DYM: variants seen among roughly 807,000 people sequenced by gnomAD.
The protein encoded by DYM is dyggve-Melchior-Clausen syndrome protein.
A neutral mutation model predicts 93.1 loss-of-function variants in DYM; 78 were observed. The ratio of observed to expected loss-of-function variants is 0.84; its 90% CI spans 0.70 to 1.01. The LOEUF is 1.01. Ranked by LOEUF, DYM falls within the 50% of genes least tolerant of loss-of-function variation. The pLI, the probability that DYM is intolerant of heterozygous loss-of-function variation, is 0.00. For synonymous variants in DYM, 321 were observed against 319.7 expected (o/e 1.00, Z -0.04); for missense variants, 789 against 845.0 (o/e 0.93, Z 0.82).
At chr18:49,078,097 CA>C (rs1178341798) in intron 17 of DYM, among the ~76,000 whole-genome samples, 6 of 151,730 alleles carry the variant, frequency 4.0e-5, no homozygotes, top group African/African-American at 1.5e-4. Context: ...TTGAGCTATT[CA>C]TTTTTTTATT....
intron 17 of DYM, among the ~76,000 whole-genome samples, chr18:49,087,637 A>G (rs1212229229): frequency 1.3e-5 from 2 of 152,226 alleles, no homozygotes; most frequent in East Asian, 3.8e-4. Context: ...TATACCCAGT[A>G]ATGGGATTGC....
chr18:49,276,024 AT>A (rs1258793286), intron 10 of DYM, among the ~76,000 whole-genome samples: 1 of 152,146 alleles, frequency 6.6e-6, no homozygotes, highest in Non-Finnish European at 1.5e-5. Flanking sequence ...AATACAGATA[AT>A]TTTACACCTT....
At chr18:49,408,396 C>G (rs1292386972) in intron 2 of DYM, among the ~76,000 whole-genome samples, 1 of 152,182 alleles carries the variant, frequency 6.6e-6, no homozygotes, top group South Asian at 2.1e-4. Flanking sequence ...TGTCTCTCCA[C>G]ATATATTTCT....
intron 2 of DYM, among the ~76,000 whole-genome samples, chr18:49,412,720 T>C (rs988153123): frequency 6.6e-6 from 1 of 152,162 alleles, no homozygotes; most frequent in African/African-American, 2.4e-5. Flanking sequence ...GAACATAAAG[T>C]GTGCCAAAGA....
chr18:49,304,938 T>A (rs894403369), intron 8 of DYM, among the ~76,000 whole-genome samples: 2 of 152,128 alleles, frequency 1.3e-5, no homozygotes, highest in Non-Finnish European at 2.9e-5. Flanking sequence ...TCATCCTGCC[T>A]AGACATTCTC....
At chr18:49,253,545 T>A (rs748309125) in intron 13 of DYM, among the ~76,000 whole-genome samples, 1 of 152,134 alleles carries the variant, frequency 6.6e-6, no homozygotes, top group Non-Finnish European at 1.5e-5. Context: ...CTGGGGATCT[T>A]GTTAGAAAGA....
chr18:49,313,011 A>G (rs539506785), intron 8 of DYM, among the ~76,000 whole-genome samples: 25 of 152,342 alleles, frequency 1.6e-4, no homozygotes, highest in Admixed American at 6.5e-4. Context: ...TGAAGCTATC[A>G]GAAGCATTTA....
chr18:49,203,871 TAAAAAAAAAAAAAAAAAA>T (rs71165370), intron 14 of DYM, among the ~76,000 whole-genome samples: 1 of 63,548 alleles, frequency 1.6e-5, no homozygotes, highest in South Asian at 7.2e-4. Context: ...TTTAAAAAAG[TAAAAAAAAAAAAAAAAAA>T]AAAAAAAAAC....
In DYM at chr18:49,440,093, T is replaced by G. The variant is rs534456496; in HGVS notation, c.-53-9646A>C. Among the ~76,000 whole-genome samples, 390 of 132,628 alleles carry G rather than the reference T, an allele frequency of 2.9e-3. 21 individuals are homozygous for G. Among genetic ancestry groups the G allele is most frequent in the African/African-American group, 9.5e-3 (367 of 38,732 alleles). The allele number at this position is 132,628 out of a possible 152,430, so 87.0% of individuals were successfully genotyped here. A position where few individuals can be genotyped will look rare whatever the true frequency, so the allele number is the denominator to read the frequency against. On this transcript the variant is annotated intron_variant, in intron 1 of 17. Transcript: ENST00000675505. ...TCAATATTTTATATTTGTGAAATAT[T>G]TGATAAATACATAAAGTCAATCTCC... is the stretch of plus-strand genomic sequence containing the variant.
At chr18:49,289,776 C>CACATAT (rs1555678765) in intron 8 of DYM, among the ~76,000 whole-genome samples, 4 of 85,526 alleles carry the variant, frequency 4.7e-5, no homozygotes, top group East Asian at 4.5e-4. Flanking sequence ...TATATATACA[C>CACATAT]ATATATATAT....
chr18:49,228,411 T>C (rs898607539), intron 13 of DYM, among the ~76,000 whole-genome samples: 5 of 152,188 alleles, frequency 3.3e-5, no homozygotes, highest in Non-Finnish European at 5.9e-5. Context: ...AGGTCTTAAC[T>C]GCTCATTTCT....
intron 2 of DYM, among the ~76,000 whole-genome samples, chr18:49,401,619 TTC>T (rs149946731): frequency 0.096 from 14,398 of 149,664 alleles, 870 homozygotes; most frequent in East Asian, 0.31. Flanking sequence ...CAATCAACCT[TTC>T]TCTCTCTCTC....
chr18:49,118,794 G>T lies in DYM; in HGVS notation c.1861C>A (p.Gln621Lys). The T allele has an allele frequency of 1.2e-6, 2 of 1,614,122 alleles. No individual in the cohort carries two copies. Among genetic ancestry groups the T allele is most frequent in the Non-Finnish European group, 1.7e-6 (2 of 1,179,984 alleles). The change falls in exon 16 of 18, where the codon CAA becomes AAA. Residue 621 changes from glutamine to lysine, a missense_variant. By Grantham distance (53) the Gln-to-Lys change is moderately conservative. Around this residue, in one of 3 missense-constraint regions of DYM, gnomAD observed 225 missense variants for 303.0 expected, o/e 0.74. Coordinates refer to ENST00000675505, the MANE Select transcript of DYM (RefSeq NM_001353214.3). ...TGAAATGAAGGATGAGTTCGAAATTGTTCAAAGAGATCGCGTTTGTAAAGC... is the reference window on the plus strand; with the variant it reads ...TGAAATGAAGGATGAGTTCGAAATTTTTCAAAGAGATCGCGTTTGTAAAGC... ...ALLYKRDLFE[Q>K]FRTHPSFQDI... is the part of the protein sequence containing the mutation.
intron 15 of DYM, among the ~76,000 whole-genome samples, chr18:49,158,030 A>T (rs917548481): frequency 2.0e-5 from 3 of 152,186 alleles, no homozygotes; most frequent in African/African-American, 2.4e-5. Flanking sequence ...ATGACACAAG[A>T]CCATTTTTCA....
At chr18:49,046,061 G>A (rs2071457344) in intron 17 of DYM, among the ~76,000 whole-genome samples, 1 of 151,632 alleles carries the variant, frequency 6.6e-6, no homozygotes, top group African/African-American at 2.4e-5. Context: ...AAGGGGAGGA[G>A]CAGGTAGAGG....
intron 1 of DYM, among the ~76,000 whole-genome samples, chr18:49,453,585 G>T (rs756490572): frequency 2.4e-4 from 37 of 152,132 alleles, no homozygotes; most frequent in Non-Finnish European, 4.6e-4. Flanking sequence ...TCACCGTGAG[G>T]GTCCGTGGCT....
intron 16 of DYM, among the ~76,000 whole-genome samples, chr18:49,104,765 T>G (rs148830485): frequency 0.018 from 2,750 of 152,376 alleles, 32 homozygotes; most frequent in Middle Eastern, 0.048. Flanking sequence ...GAAGCCCACT[T>G]GATCATGGTG....
intron 8 of DYM, among the ~76,000 whole-genome samples, chr18:49,324,835 C>T (rs1441266525): frequency 6.6e-6 from 1 of 152,128 alleles, no homozygotes; most frequent in African/African-American, 2.4e-5. Flanking sequence ...GTATAATTTT[C>T]TATTTTGTAT....
intron 14 of DYM, among the ~76,000 whole-genome samples, chr18:49,181,274 T>C (rs1192706315): frequency 6.6e-6 from 1 of 152,188 alleles, no homozygotes; most frequent in Non-Finnish European, 1.5e-5. Flanking sequence ...AACAGCATGA[T>C]TTTGAGATCA....
Sources: allele counts gnomAD v4.1 joint callset (sites outside exome capture counted in the v4.1 genomes callset), GRCh38; gene constraint gnomAD v4.1.1; regional missense constraint gnomAD v4.1.1; transcripts MANE v1.5; gene names NCBI Gene and HGNC (gene_info 2026-07-23, HGNC 2026-07-21).